ME1: variants seen among roughly 807,000 people sequenced by gnomAD.
ME1 encodes the protein malic enzyme 1, also known as NADP-dependent malic enzyme.
Under a neutral mutation model 66.4 loss-of-function variants are expected in ME1, and 74 were observed. That is an observed-to-expected ratio of 1.11 (90% CI 0.92 to 1.35). The LOEUF (loss-of-function observed/expected upper bound fraction) is 1.35, where lower values mean the gene tolerates loss of function less well. Ranked by LOEUF, ME1 falls within the 40% of genes most tolerant of loss-of-function variation. The pLI, the probability that ME1 is intolerant of heterozygous loss-of-function variation, is 0.00. For missense variants in ME1, 750 were observed against 694.1 expected, an observed-to-expected ratio of 1.08 and a Z score of -0.90; for synonymous variants, 251 against 235.6, an observed-to-expected ratio of 1.07 and a Z score of -0.60.
At chr6:83,233,055 C>T (rs1474085660) in intron 9 of ME1, among the ~76,000 whole-genome samples, 6 of 152,032 alleles carry the variant, frequency 3.9e-5, no homozygotes, top group African/African-American at 9.7e-5. Context: ...GCATTAATTT[C>T]GTTTATTAGT....
intron 6 of ME1, among the ~76,000 whole-genome samples, chr6:83,288,394 CTATT>C (rs1767437490): frequency 6.6e-6 from 1 of 152,156 alleles, no homozygotes; most frequent in Non-Finnish European, 1.5e-5. Context: ...TTTCCCAACA[CTATT>C]TATTAAATAG....
At position 83,362,026 on chromosome 6, in the gene ME1, G is replaced by T. The variant is rs1410493406; in HGVS notation, c.363-9887C>A. Among the ~76,000 whole-genome samples, 3 of 152,298 alleles carry T rather than the reference G, an allele frequency of 2.0e-5. No homozygotes were observed. The East Asian group carries it at 5.8e-4, about 29-fold the overall frequency. On this transcript the variant is annotated intron_variant, in intron 3 of 13. Coordinates refer to ENST00000369705, the MANE Select transcript of ME1 (RefSeq NM_002395.6). Reference sequence around the variant, plus strand: ...GAAGAGAAGGGGCTGGTTCACAGATGGTTCTGCACAATATGCAGATAACAC... The same window carrying T: ...GAAGAGAAGGGGCTGGTTCACAGATTGTTCTGCACAATATGCAGATAACAC...
intron 5 of ME1, among the ~76,000 whole-genome samples, chr6:83,341,322 T>C (rs528743370): frequency 6.6e-6 from 1 of 152,290 alleles, no homozygotes; most frequent in African/African-American, 2.4e-5. Flanking sequence ...GATTTTAATG[T>C]GTATCTTTAG....
chr6:83,403,272 T>C (rs141190387), intron 2 of ME1, among the ~76,000 whole-genome samples: 211 of 152,290 alleles, frequency 1.4e-3, no homozygotes, highest in Middle Eastern at 0.014. Context: ...GGTGGTGTCA[T>C]AGTCCATTCA....
At chr6:83,267,066 T>C (rs1180582991) in intron 6 of ME1, among the ~76,000 whole-genome samples, 1 of 152,186 alleles carries the variant, frequency 6.6e-6, no homozygotes, top group Admixed American at 6.5e-5. Context: ...TTGTAGGTAG[T>C]TTATCTTTTA....
chr6:83,250,996 T>C (rs1046165987), intron 7 of ME1, among the ~76,000 whole-genome samples: 1 of 152,202 alleles, frequency 6.6e-6, no homozygotes, highest in African/African-American at 2.4e-5. Flanking sequence ...AAACAGGCAG[T>C]GGCTAGATTT....
At chr6:83,283,120 C>T (rs1359884822) in intron 6 of ME1, among the ~76,000 whole-genome samples, 4 of 144,982 alleles carry the variant, frequency 2.8e-5, no homozygotes, top group East Asian at 4.1e-4. Context: ...CCCAGCTACT[C>T]GGGAGGCTGA....
intron 5 of ME1, among the ~76,000 whole-genome samples, chr6:83,333,547 TA>T (rs1768457273): frequency 6.6e-6 from 1 of 152,188 alleles, no homozygotes; most frequent in Non-Finnish European, 1.5e-5. Flanking sequence ...CATTATGAGT[TA>T]AAGACCATAA....
At chr6:83,383,082 C>A (rs1325142682) in intron 3 of ME1, among the ~76,000 whole-genome samples, 2 of 151,744 alleles carry the variant, frequency 1.3e-5, no homozygotes. Context: ...TTTAGACTTG[C>A]GAGCCTCATG....
chr6:83,214,443 C>T (rs1479187819), intron 13 of ME1, among the ~76,000 whole-genome samples: 1 of 152,158 alleles, frequency 6.6e-6, no homozygotes, highest in African/African-American at 2.4e-5. Flanking sequence ...TAAAAGTCTG[C>T]ATCTGTTTTT....
intron 6 of ME1, among the ~76,000 whole-genome samples, chr6:83,260,145 C>A (rs1476301004): frequency 2.7e-5 from 4 of 146,980 alleles, no homozygotes; most frequent in African/African-American, 7.5e-5. Context: ...TCTATAGAAT[C>A]AAAAAATCAC....
At chr6:83,359,827 G>A (rs1031970039) in intron 3 of ME1, among the ~76,000 whole-genome samples, 1 of 152,204 alleles carries the variant, frequency 6.6e-6, no homozygotes, top group Non-Finnish European at 1.5e-5. Flanking sequence ...CATGTCAGAT[G>A]TAACATGGGA....
intron 5 of ME1, among the ~76,000 whole-genome samples, chr6:83,334,015 C>A (rs371889514): frequency 1.3e-5 from 2 of 151,874 alleles, no homozygotes; most frequent in Non-Finnish European, 2.9e-5. Context: ...GCGTGAGCGA[C>A]GCAGAAGACG....
intron 5 of ME1, among the ~76,000 whole-genome samples, chr6:83,325,972 G>A (rs1008261697): frequency 1.3e-5 from 2 of 149,912 alleles, no homozygotes; most frequent in Non-Finnish European, 3.0e-5. Context: ...AACAAAGCTG[G>A]AGGCATCATG....
intron 6 of ME1, among the ~76,000 whole-genome samples, chr6:83,299,964 G>A (rs959295162): frequency 6.6e-6 from 1 of 152,196 alleles, no homozygotes; most frequent in Non-Finnish European, 1.5e-5. Context: ...CTTGAATGCG[G>A]TGGATAAGCT....
intron 3 of ME1, among the ~76,000 whole-genome samples, chr6:83,377,835 CT>C (rs886531623): frequency 2.9e-5 from 4 of 138,474 alleles, no homozygotes; most frequent in Admixed American, 1.6e-4. Flanking sequence ...AGTTTGTGAT[CT>C]TTTTTTTCCA....
intron 3 of ME1, among the ~76,000 whole-genome samples, chr6:83,366,607 G>C (rs747776574): frequency 6.6e-6 from 1 of 152,172 alleles, no homozygotes; most frequent in Non-Finnish European, 1.5e-5. Flanking sequence ...AAAAATCCTA[G>C]GATGAAGAAC....
At chr6:83,414,129 A>AC (rs1337605232) in intron 1 of ME1, among the ~76,000 whole-genome samples, 164 of 151,404 alleles carry the variant, frequency 1.1e-3, no homozygotes, top group Non-Finnish European at 1.8e-3. Context: ...AAAAAAAAAA[A>AC]AACTAAAAAA....
In ME1 at chr6:83,378,874, G is replaced by C. The variant is rs190736489; in HGVS notation, c.362+19493C>G. Among the ~76,000 whole-genome samples, 658 of 152,114 alleles carry C rather than the reference G, an allele frequency of 4.3e-3. 4 individuals carry two copies. The highest frequency in any genetic ancestry group is 0.015 in the African/African-American group (618 of 41,522). On this transcript the variant is annotated intron_variant, in intron 3 of 13. Transcript: ENST00000369705. ...TGGTTTTCTCTGGGTACAAACTAAA[G>C]AAGACTGCCCTCTGGGATTGCTTGA...
Sources: allele counts gnomAD v4.1 joint callset (sites outside exome capture counted in the v4.1 genomes callset), GRCh38; gene constraint gnomAD v4.1.1; transcripts MANE v1.5; gene names NCBI Gene and HGNC (gene_info 2026-07-23, HGNC 2026-07-21).